GALNTL6: variants seen among roughly 807,000 people sequenced by gnomAD.
The protein encoded by GALNTL6 is polypeptide N-acetylgalactosaminyltransferase-like 6.
GALNTL6 carries 46 observed loss-of-function variants against 73.7 expected under a neutral mutation model. The observed-to-expected ratio is 0.62, with a 90% confidence interval of 0.49 to 0.80. GALNTL6 has a LOEUF of 0.80. Ranked by LOEUF, GALNTL6 falls within the 30% of genes least tolerant of loss-of-function variation. GALNTL6 has a pLI of 0.00. For missense variants in GALNTL6, 604 were observed against 755.0 expected (o/e 0.80, Z 2.34); for synonymous variants, 259 against 263.7 (o/e 0.98, Z 0.17).
At chr4:172,623,548 A>C (rs1028107853) in intron 5 of GALNTL6, among the ~76,000 whole-genome samples, 1 of 152,128 alleles carries the variant, frequency 6.6e-6, no homozygotes, top group Non-Finnish European at 1.5e-5. Context: ...ACCAAATTAC[A>C]TAAGGTACCT....
intron 5 of GALNTL6, among the ~76,000 whole-genome samples, chr4:172,448,991 C>G (rs537450495): frequency 6.6e-6 from 1 of 152,160 alleles, no homozygotes; most frequent in Admixed American, 6.5e-5. Flanking sequence ...CTTAGCCCCT[C>G]ATCCCTCAAC....
rs149551159 is a variant in GALNTL6, at chr4:172,869,812, G to T, written c.924-12978G>T. Among the ~76,000 whole-genome samples, 437 of 152,126 alleles carry T rather than the reference G, an allele frequency of 2.9e-3. 2 individuals carry two copies. The highest frequency in any genetic ancestry group is 0.01 in the Middle Eastern group (3 of 294). Reference sequence around the variant, plus strand: ...TCCCATGAAGTGGACTCTACCCTCTGCTCTAGAAATGGAGCAATCAACCCA... The same window carrying T: ...TCCCATGAAGTGGACTCTACCCTCTTCTCTAGAAATGGAGCAATCAACCCA... On this transcript the variant is annotated intron_variant, in intron 7 of 12. Transcript: ENST00000506823.
chr4:172,785,739 A>C (rs1297171039), intron 5 of GALNTL6, among the ~76,000 whole-genome samples: 1 of 151,800 alleles, frequency 6.6e-6, no homozygotes, highest in Non-Finnish European at 1.5e-5. Flanking sequence ...AAGAATGTCT[A>C]AGTAGTTTTC....
chr4:172,636,836 C>G (rs1330730309), intron 5 of GALNTL6, among the ~76,000 whole-genome samples: 2 of 152,122 alleles, frequency 1.3e-5, no homozygotes, highest in Non-Finnish European at 2.9e-5. Context: ...AACACAACTT[C>G]TATTTATCCT....
intron 12 of GALNTL6, among the ~76,000 whole-genome samples, chr4:173,030,842 A>G (rs962157229): frequency 3.3e-5 from 5 of 151,746 alleles, no homozygotes; most frequent in African/African-American, 1.2e-4. Flanking sequence ...TCTACCAAAA[A>G]AAAAAAAAAA....
chr4:171,858,676 C>A (rs1454662769), intron 2 of GALNTL6, among the ~76,000 whole-genome samples: 3 of 152,072 alleles, frequency 2.0e-5, no homozygotes, highest in Non-Finnish European at 4.4e-5. Context: ...TTCTTTCACA[C>A]ACCACAAATA....
At chr4:171,830,553 A>T (rs758281618) in intron 2 of GALNTL6, among the ~76,000 whole-genome samples, 2 of 152,196 alleles carry the variant, frequency 1.3e-5, no homozygotes, top group Admixed American at 1.3e-4. Context: ...TCATATAGGT[A>T]CTGCCAAACA....
At chr4:172,605,742 TG>T (rs1461291059) in intron 5 of GALNTL6, among the ~76,000 whole-genome samples, 1 of 152,026 alleles carries the variant, frequency 6.6e-6, no homozygotes, top group Admixed American at 6.6e-5. Flanking sequence ...AGATAAAATC[TG>T]GGTTCTTATC....
intron 2 of GALNTL6, among the ~76,000 whole-genome samples, chr4:171,826,294 T>C (rs1734822984): frequency 2.0e-5 from 3 of 152,178 alleles, no homozygotes; most frequent in Admixed American, 2.0e-4. Context: ...CAGAAAGCAC[T>C]GCCATTTGCA....
intron 12 of GALNTL6, among the ~76,000 whole-genome samples, chr4:173,034,627 G>A (rs116117008): frequency 5.9e-5 from 9 of 152,268 alleles, no homozygotes; most frequent in African/African-American, 2.2e-4. Flanking sequence ...CTCTTTGCAT[G>A]GTTAATTAGC....
intron 2 of GALNTL6, among the ~76,000 whole-genome samples, chr4:171,892,854 G>A (rs968235499): frequency 1.2e-4 from 19 of 152,122 alleles, no homozygotes; most frequent in Admixed American, 9.8e-4. Context: ...GAGCCCCCAT[G>A]CTCAGCCACA....
chr4:172,423,776 T>C (rs1731133397), intron 5 of GALNTL6, among the ~76,000 whole-genome samples: 1 of 152,110 alleles, frequency 6.6e-6, no homozygotes, highest in African/African-American at 2.4e-5. Flanking sequence ...GAACCATGCA[T>C]AGTACATAGT....
intron 5 of GALNTL6, among the ~76,000 whole-genome samples, chr4:172,665,032 C>A (rs837197): frequency 0.039 from 5,869 of 152,246 alleles, 368 homozygotes; most frequent in African/African-American, 0.13. Context: ...ATGTTTGCCA[C>A]GTACTTACCT....
intron 2 of GALNTL6, among the ~76,000 whole-genome samples, chr4:171,854,951 G>A (rs1349547625): frequency 6.6e-6 from 1 of 152,124 alleles, no homozygotes; most frequent in Non-Finnish European, 1.5e-5. Context: ...CTATGCTCTA[G>A]CTGAGACGAC....
Position 172,147,639 on chromosome 4 carries a change from A to G in GALNTL6, c.139-82017A>G, listed in dbSNP as rs974510545. ...GAAAAGTTATACTACACAAACCCTA[A>G]GCAATAATTTATGACGAAAAGAAAC... On this transcript the variant is annotated intron_variant, in intron 2 of 12. Coordinates refer to ENST00000506823, the MANE Select transcript of GALNTL6 (RefSeq NM_001034845.3). Among the ~76,000 whole-genome samples, 4 of 152,306 alleles carry G rather than the reference A, an allele frequency of 2.6e-5. No homozygotes were observed. In the East Asian group the frequency reaches 7.7e-4, roughly 29 times the overall value.
intron 2 of GALNTL6, among the ~76,000 whole-genome samples, chr4:172,016,509 C>T (rs1220508136): frequency 6.6e-6 from 1 of 151,726 alleles, no homozygotes; most frequent in Non-Finnish European, 1.5e-5. Context: ...TGGTTTTCAC[C>T]TTTCTCTGGT....
chr4:172,476,427 A>C (rs1402456039), intron 5 of GALNTL6, among the ~76,000 whole-genome samples: 1 of 152,224 alleles, frequency 6.6e-6, no homozygotes, highest in Non-Finnish European at 1.5e-5. Flanking sequence ...TGCAGTGGAC[A>C]TGAACATTCA....
intron 3 of GALNTL6, among the ~76,000 whole-genome samples, chr4:172,286,461 A>C (rs953717548): frequency 1.3e-5 from 2 of 152,230 alleles, no homozygotes; most frequent in Admixed American, 6.5e-5. Context: ...TGGCAGAAGA[A>C]GGCATAAATT....
intron 3 of GALNTL6, among the ~76,000 whole-genome samples, chr4:172,305,534 G>T (rs1740100365): frequency 6.6e-6 from 1 of 152,108 alleles, no homozygotes; most frequent in East Asian, 1.9e-4. Flanking sequence ...TAGCAATAGA[G>T]AAATAATCAC....
Sources: gnomAD v4.1 joint callset for allele counts (sites outside exome capture counted in the v4.1 genomes callset) on GRCh38, gnomAD v4.1.1 for gene constraint, MANE v1.5 for transcripts, NCBI Gene and HGNC (gene_info 2026-07-23, HGNC 2026-07-21) for gene names.